The following LPL variants were observed in gnomAD, a reference collection of about 807,000 sequenced individuals.
LPL encodes the protein phospholipase A1.
LPL carries 43 observed loss-of-function variants against 52.2 expected under a neutral mutation model. The ratio of observed to expected loss-of-function variants is 0.82; its 90% CI spans 0.64 to 1.06. LPL has a LOEUF of 1.06. Among genes scored for constraint, LPL ranks in the 50% least tolerant of loss-of-function variants. The probability of loss-of-function intolerance (pLI) is 0.00; values close to 1 mark genes in which losing one functional copy is unlikely to be tolerated. For synonymous variants in LPL, 244 were observed against 215.6 expected (o/e 1.13, Z -1.15); for missense variants, 639 against 585.3 (o/e 1.09, Z -0.95).
intron 3 of LPL, among the ~76,000 whole-genome samples, chr8:19,952,906 A>C (rs528800005): frequency 6.6e-6 from 1 of 152,356 alleles, no homozygotes; most frequent in Admixed American, 6.5e-5. Context: ...ATATACATAT[A>C]TGCATGCATA....
At chr8:19,948,462 T>G in intron 2 of LPL, 122 bp downstream of exon 2, 1 of 1,156,808 alleles carries the variant, frequency 8.6e-7, no homozygotes, top group Non-Finnish European at 1.2e-6. Context: ...CTCCTTACAC[T>G]TGAATAAAGA....
intron 2 of LPL, 64 bp downstream of exon 2, chr8:19,948,404 A>G (rs2069902743): frequency 1.9e-6 from 3 of 1,588,022 alleles, no homozygotes; most frequent in Admixed American, 1.7e-5. Context: ...GGCCTGCCCA[A>G]TTGTTGGGGA....
rs142832156 is a variant in LPL at position 19,950,281 on chromosome 8, T to C, written c.250-1488T>C. Among the ~76,000 whole-genome samples the C allele has an allele frequency of 2.2e-4, 34 of 152,352 alleles. No homozygotes were observed. Among genetic ancestry groups the C allele is most frequent in the African/African-American group, 7.7e-4 (32 of 41,586 alleles). ...CCAAAGATTTAAAACATAGTAATTA[T>C]TGAACCTCAGAAGAAAAACTCAGAT... On this transcript the variant is annotated intron_variant, in intron 2 of 9. Coordinates refer to ENST00000650287, the MANE Select transcript of LPL (RefSeq NM_000237.3). This position sits in a 1 kb window ranked among gnomAD's most constrained non-coding sequence, Gnocchi z 4.2.
chr8:19,956,392 T>C (rs1295604908), intron 6 of LPL, among the ~76,000 whole-genome samples: 1 of 152,318 alleles, frequency 6.6e-6, no homozygotes, highest in South Asian at 2.1e-4. Flanking sequence ...TTTGGAACCA[T>C]CCACCTCGGG....
intron 1 of LPL, among the ~76,000 whole-genome samples, chr8:19,942,545 T>C (rs1337864387): frequency 6.6e-6 from 1 of 152,236 alleles, no homozygotes; most frequent in Non-Finnish European, 1.5e-5. Flanking sequence ...TAAATGAGTT[T>C]GTCACCACAG....
chr8:19,963,799 T>C (rs1219997404), intron 9 of LPL, among the ~76,000 whole-genome samples: 2 of 152,200 alleles, frequency 1.3e-5, no homozygotes, highest in East Asian at 1.9e-4. Flanking sequence ...GTTAGTGGTA[T>C]TGAGCCAGGC....
At chr8:19,948,073 C>T in intron 1 of LPL, 107 bp from the exon 2 acceptor site, 1 of 1,235,506 alleles carries the variant, frequency 8.1e-7, no homozygotes, top group Non-Finnish European at 1.2e-6. Flanking sequence ...ACTTCAGAAA[C>T]AAAAATAGCA....
chr8:19,952,189 C>G lies in LPL; in HGVS notation c.429+241C>G, dbSNP rs1053449371. ...TTTGATATTTTCACAGTGAATAGAT[C>G]TGCTGAGACCAATAACTAAGTGGGC... On this transcript the variant is annotated intron_variant, in intron 3 of 9. Coordinates refer to ENST00000650287, the MANE Select transcript of LPL (RefSeq NM_000237.3). Among the ~76,000 whole-genome samples the G allele has an allele frequency of 3.9e-5, 6 of 152,138 alleles. 1 individual carries two copies. The highest frequency in any genetic ancestry group is 1.4e-4 in the African/African-American group (6 of 41,416).
At chr8:19,960,866 C>G (rs766400856) in intron 7 of LPL, 35 bp from the exon 8 acceptor site, 1 of 1,563,898 alleles carries the variant, frequency 6.4e-7, no homozygotes. Flanking sequence ...GAGCTGATCT[C>G]TATAACTAAC....
rs1487166463 is a variant in LPL, at chr8:19,966,784, G to A, written c.*1474G>A. On this transcript the variant is annotated 3_prime_UTR_variant, in exon 10 of 10. Coordinates refer to ENST00000650287, the MANE Select transcript of LPL (RefSeq NM_000237.3). Reference sequence around the variant, plus strand: ...GAGATGATCGTGCCTATAAATAGTAGGACCAATGTTGTGATTAACATCATC... The same window carrying A: ...GAGATGATCGTGCCTATAAATAGTAAGACCAATGTTGTGATTAACATCATC... 1 of 152,106 alleles carries A rather than the reference G, an allele frequency of 6.6e-6. No individual in the cohort carries two copies. The highest frequency in any genetic ancestry group is 1.5e-5 in the Non-Finnish European group (1 of 68,026). The allele number at this position is 152,106 out of a possible 1,614,324, so 9.4% of individuals were successfully genotyped here.
Position 19,956,041 on chromosome 8 carries a change from A to G in LPL, c.976A>G (p.Ser326Gly), listed in dbSNP as rs764867247. 1.9e-6 allele frequency: 3 copies of G among 1,614,224 alleles called. No individual in the cohort carries two copies. In the South Asian group the frequency reaches 3.3e-5, roughly 18 times the overall value. ...EINKVRAKRS[S>G]KMYLKTRSQM... ...CAATAAAGTCAGAGCCAAAAGAAGCAGCAAAATGTACCTGAAGACTCGTTC... is the reference window on the plus strand; with the variant it reads ...CAATAAAGTCAGAGCCAAAAGAAGCGGCAAAATGTACCTGAAGACTCGTTC... Residue 326 changes from serine to glycine, a missense_variant, in exon 6 of 10, where the codon AGC becomes GGC. Coordinates refer to ENST00000650287, the MANE Select transcript of LPL (RefSeq NM_000237.3).
At chr8:19,942,745 T>C (rs1003723631) in intron 1 of LPL, among the ~76,000 whole-genome samples, 3 of 152,224 alleles carry the variant, frequency 2.0e-5, no homozygotes, top group Non-Finnish European at 2.9e-5. Context: ...GTCTGTTCAC[T>C]AGACTGCGTG....
At chr8:19,958,748 A>T (rs1358689699) in intron 6 of LPL, among the ~76,000 whole-genome samples, 2 of 152,052 alleles carry the variant, frequency 1.3e-5, no homozygotes, top group Non-Finnish European at 2.9e-5. Flanking sequence ...ATGGTGGGGG[A>T]ATTAAGAGCA....
intron 1 of LPL, chr8:19,946,633 A>T: frequency 5.0e-6 from 1 of 200,962 alleles, no homozygotes; most frequent in South Asian, 5.8e-5. Flanking sequence ...CAGCCTCATG[A>T]ATCTCCTGAA....
rs891260509 is a variant in LPL at position 19,966,046 on chromosome 8, T to C, written c.*736T>C. 1.3e-5 allele frequency: 2 copies of C among 152,112 alleles called. No homozygotes were observed. Among genetic ancestry groups the C allele is most frequent in the Non-Finnish European group, 2.9e-5 (2 of 68,026 alleles). The allele number at this position is 152,112 out of a possible 1,614,324, so 9.4% of individuals were successfully genotyped here. On this transcript the variant is annotated 3_prime_UTR_variant, in exon 10 of 10. Transcript: ENST00000650287. The stretch of plus-strand genomic sequence containing the variant: ...CCCCTTCTTTTTTGTCTCAAGATTA[T>C]ATTATAATAATGTTCTCTGGGTAGG...
intron 6 of LPL, among the ~76,000 whole-genome samples, chr8:19,957,470 C>T (rs907375241): frequency 1.3e-5 from 2 of 152,238 alleles, no homozygotes; most frequent in Non-Finnish European, 2.9e-5. Context: ...TCAGGCAATG[C>T]GTATGAGGTA....
rs1300522123 is a variant in LPL, at chr8:19,966,814, T to G, written c.*1504T>G. 3 of 152,254 alleles carry G rather than the reference T, an allele frequency of 2.0e-5. No individual in the cohort carries two copies. Among genetic ancestry groups the G allele is most frequent in the Non-Finnish European group, 4.4e-5 (3 of 68,038 alleles). 9.4% of individuals were successfully genotyped at this position (152,254 alleles called of 1,614,324 possible). On this transcript the variant is annotated 3_prime_UTR_variant, in exon 10 of 10. Transcript: ENST00000650287. Reference sequence around the variant, plus strand: ...AATGTTGTGATTAACATCATCAGGCTTGGAATGAATTCTCTCTAAAAATAA... The same window carrying G: ...AATGTTGTGATTAACATCATCAGGCGTGGAATGAATTCTCTCTAAAAATAA...
intron 8 of LPL, 88 bp downstream of exon 8, chr8:19,961,171 A>G: frequency 8.8e-7 from 1 of 1,142,568 alleles, no homozygotes; most frequent in Admixed American, 2.0e-5. Context: ...TTCACAATTC[A>G]GGGAGAGCTT....
chr8:19,941,589 A>G (rs2069839357), intron 1 of LPL, among the ~76,000 whole-genome samples: 2 of 152,186 alleles, frequency 1.3e-5, no homozygotes, highest in Non-Finnish European at 2.9e-5. Flanking sequence ...CTAGCTGTAA[A>G]TATATTAAGG....
Sources: allele counts gnomAD v4.1 joint callset (sites outside exome capture counted in the v4.1 genomes callset), GRCh38; gene constraint gnomAD v4.1.1; non-coding constraint Gnocchi (gnomAD v3.1); transcripts MANE v1.5; gene names NCBI Gene and HGNC (gene_info 2026-07-23, HGNC 2026-07-21).